Variants in WWOX observed in about 807,000 individuals in gnomAD.
WWOX encodes the protein WW domain-containing oxidoreductase.
Under a neutral mutation model 46.2 loss-of-function variants are expected in WWOX, and 69 were observed. That is an observed-to-expected ratio of 1.49 (90% CI 1.23 to 1.82). The LOEUF (loss-of-function observed/expected upper bound fraction) is 1.82. WWOX is among the 40% of genes most tolerant of loss of function. The probability of loss-of-function intolerance (pLI) is 0.00; values close to 1 mark genes in which losing one functional copy is unlikely to be tolerated. For synonymous variants in WWOX, 359 were observed against 202.6 expected (o/e 1.77, Z -6.56); for missense variants, 919 against 542.6 (o/e 1.69, Z -6.89).
chr16:78,883,592 T>C (rs1261242067), intron 8 of WWOX, among the ~76,000 whole-genome samples: 1 of 151,920 alleles, frequency 6.6e-6, no homozygotes, highest in African/African-American at 2.4e-5. Context: ...AGTGTGGTGG[T>C]GCCCACCTGT....
intron 8 of WWOX, among the ~76,000 whole-genome samples, chr16:78,561,100 C>T (rs1011755086): frequency 6.6e-6 from 1 of 152,148 alleles, no homozygotes; most frequent in Non-Finnish European, 1.5e-5. Context: ...GATTCAGATC[C>T]TTGAAGTTGT....
chr16:78,387,440 T>C (rs981107345), intron 6 of WWOX, among the ~76,000 whole-genome samples: 1 of 152,086 alleles, frequency 6.6e-6, no homozygotes, highest in Non-Finnish European at 1.5e-5. Flanking sequence ...CTCACATTCC[T>C]TTTATTTATT....
intron 8 of WWOX, among the ~76,000 whole-genome samples, chr16:79,084,629 G>C (rs1202057529): frequency 6.6e-6 from 1 of 152,148 alleles, no homozygotes; most frequent in Non-Finnish European, 1.5e-5. Flanking sequence ...TGGTCAGACT[G>C]GTCTTGGACT....
intron 8 of WWOX, among the ~76,000 whole-genome samples, chr16:79,114,438 A>C (rs532731677): frequency 1.3e-5 from 2 of 151,536 alleles, no homozygotes; most frequent in African/African-American, 4.8e-5. Context: ...ACCTACATGC[A>C]CACACGTGTG....
chr16:79,168,671 A>C (rs1401545766), intron 8 of WWOX, among the ~76,000 whole-genome samples: 2 of 152,156 alleles, frequency 1.3e-5, no homozygotes, highest in Non-Finnish European at 2.9e-5. Flanking sequence ...TTTCACCTCT[A>C]GGCTCTTACC....
intron 8 of WWOX, among the ~76,000 whole-genome samples, chr16:78,624,914 A>C (rs980909054): frequency 2.0e-5 from 3 of 152,172 alleles, no homozygotes; most frequent in Non-Finnish European, 4.4e-5. Context: ...GAGTCTGTAC[A>C]CACAAAACCC....
At chr16:78,935,166 C>G (rs1274317256) in intron 8 of WWOX, among the ~76,000 whole-genome samples, 1 of 152,166 alleles carries the variant, frequency 6.6e-6, no homozygotes, top group East Asian at 1.9e-4. Context: ...GGACTGTAAA[C>G]CAGTTCAACC....
At chr16:79,144,290 G>T (rs1245556603) in intron 8 of WWOX, among the ~76,000 whole-genome samples, 1 of 152,186 alleles carries the variant, frequency 6.6e-6, no homozygotes, top group Non-Finnish European at 1.5e-5. Context: ...TGTTTAGCCT[G>T]TCAAGACTTC....
intron 8 of WWOX, among the ~76,000 whole-genome samples, chr16:78,868,451 T>G (rs1002122248): frequency 6.9e-6 from 1 of 145,456 alleles, no homozygotes; most frequent in East Asian, 2.1e-4. Flanking sequence ...AAGACTGTGG[T>G]GATGGCTGCA....
chr16:78,122,282 C>G (rs560819579), intron 4 of WWOX, among the ~76,000 whole-genome samples: 1 of 152,148 alleles, frequency 6.6e-6, no homozygotes. Flanking sequence ...GATTAGATCT[C>G]AACTGAAACT....
At chr16:78,772,618 T>C (rs1224601929) in intron 8 of WWOX, among the ~76,000 whole-genome samples, 12 of 152,192 alleles carry the variant, frequency 7.9e-5, no homozygotes, top group Admixed American at 7.9e-4. Flanking sequence ...AAAGTGGTGA[T>C]TGTTATTACC....
At chr16:78,594,439 CCCCCCCG>C (rs1374472972) in intron 8 of WWOX, among the ~76,000 whole-genome samples, 3 of 73,000 alleles carry the variant, frequency 4.1e-5, no homozygotes, top group African/African-American at 1.6e-4. Context: ...GCCCCCCCCC[CCCCCCCG>C]CCAAATTGTC....
At chr16:78,287,432 A>C (rs1275855824) in intron 5 of WWOX, among the ~76,000 whole-genome samples, 1 of 152,180 alleles carries the variant, frequency 6.6e-6, no homozygotes, top group Non-Finnish European at 1.5e-5. Context: ...GGCCACAAAA[A>C]ATATCTATAA....
chr16:78,919,647 A>G (rs2045332576), intron 8 of WWOX, among the ~76,000 whole-genome samples: 2 of 151,166 alleles, frequency 1.3e-5, no homozygotes, highest in Non-Finnish European at 2.9e-5. Flanking sequence ...GCTCCCGAAT[A>G]GCTGGGATTA....
Position 78,921,076 on chromosome 16 carries a change from A to C in WWOX, c.1057-290532A>C, listed in dbSNP as rs144427032. Among the ~76,000 whole-genome samples, 271 of 152,204 alleles carry C rather than the reference A, an allele frequency of 1.8e-3. 1 individual carries two copies. The highest frequency in any genetic ancestry group is 6.1e-3 in the African/African-American group (252 of 41,520). On this transcript the variant is annotated intron_variant, in intron 8 of 8. Coordinates refer to ENST00000566780, the MANE Select transcript of WWOX (RefSeq NM_016373.4). Reference sequence around the variant, plus strand: ...CCAACCAGATTTTGTGCTTATCTCTACATTACACCTTGTAGCAAGGGGGAA... The same window carrying C: ...CCAACCAGATTTTGTGCTTATCTCTCCATTACACCTTGTAGCAAGGGGGAA...
intron 8 of WWOX, among the ~76,000 whole-genome samples, chr16:79,005,144 C>T (rs57254180): frequency 2.6e-5 from 4 of 152,142 alleles, no homozygotes; most frequent in East Asian, 3.9e-4. Flanking sequence ...TTCTGTCTGG[C>T]CTTTCTCTTT....
At chr16:79,116,498 T>C (rs1323858487) in intron 8 of WWOX, among the ~76,000 whole-genome samples, 1 of 152,188 alleles carries the variant, frequency 6.6e-6, no homozygotes, top group Non-Finnish European at 1.5e-5. Flanking sequence ...GAAGAGCAAG[T>C]TCCATTGCAA....
chr16:79,164,421 C>T (rs9932636), intron 8 of WWOX, among the ~76,000 whole-genome samples: 3,823 of 152,162 alleles, frequency 0.025, 184 homozygotes, highest in African/African-American at 0.088. Flanking sequence ...CCCTTGTGCC[C>T]GCCTCTCTGA....
At chr16:78,303,864 C>T (rs530919894) in intron 5 of WWOX, among the ~76,000 whole-genome samples, 2 of 152,244 alleles carry the variant, frequency 1.3e-5, no homozygotes, top group Admixed American at 1.3e-4. Context: ...CTCTTTCTCC[C>T]ACCACTGCCC....
Sources: allele counts gnomAD v4.1 joint callset (sites outside exome capture counted in the v4.1 genomes callset), GRCh38; gene constraint gnomAD v4.1.1; transcripts MANE v1.5; gene names NCBI Gene and HGNC (gene_info 2026-07-23, HGNC 2026-07-21).